DISC1: variants seen among roughly 807,000 people sequenced by gnomAD.
DISC1 encodes disrupted in schizophrenia 1 protein.
DISC1 carries 57 observed loss-of-function variants against 84.5 expected under a neutral mutation model. The observed-to-expected ratio is 0.67, with a 90% CI of 0.55 to 0.84. DISC1 has a LOEUF of 0.84. DISC1 is among the 40% of genes least tolerant of loss of function. The pLI, the probability that DISC1 is intolerant of heterozygous loss-of-function variation, is 0.00. For missense variants in DISC1, 1,000 were observed against 1,057.8 expected (o/e 0.95, Z 0.76); for synonymous variants, 411 against 415.2 (o/e 0.99, Z 0.12).
chr1:231,959,480 A>G (rs1423310994), intron 10 of DISC1: 2 of 985,640 alleles, frequency 2.0e-6, no homozygotes, highest in Non-Finnish European at 2.4e-6. Flanking sequence ...TTAAGGCAAC[A>G]AGTACTAGAG....
rs1301526826 is a variant in DISC1 at position 231,689,642 on chromosome 1, T to A, written c.68-4184T>A. On this transcript the variant is annotated intron_variant, in intron 1 of 12. Transcript: ENST00000439617. ...CCACTGCTCCAGGAAAAAAACTGAGTATCATGTTTTCTTAAACTGCATGTT... is the reference window on the plus strand; with the variant it reads ...CCACTGCTCCAGGAAAAAAACTGAGAATCATGTTTTCTTAAACTGCATGTT... Among the ~76,000 whole-genome samples the A allele has an allele frequency of 2.0e-5, 3 of 152,272 alleles. No individual in the cohort carries two copies. In the East Asian group the frequency reaches 5.8e-4, roughly 29 times the overall value.
intron 10 of DISC1, among the ~76,000 whole-genome samples, chr1:231,981,936 T>C (rs1333457930): frequency 2.0e-5 from 3 of 152,118 alleles, no homozygotes; most frequent in Non-Finnish European, 4.4e-5. Context: ...TAGCAGTTGG[T>C]ATGTAGAGAA....
chr1:231,819,705 G>A (rs2081351402), intron 9 of DISC1, among the ~76,000 whole-genome samples: 1 of 152,158 alleles, frequency 6.6e-6, no homozygotes, highest in Non-Finnish European at 1.5e-5. Context: ...GGTTTACTCT[G>A]TCATGATAGG....
chr1:231,939,749 A>AT (rs5781680), intron 9 of DISC1, among the ~76,000 whole-genome samples: 8,317 of 146,490 alleles, frequency 0.057, 385 homozygotes, highest in East Asian at 0.26. Flanking sequence ...TGCTTATTCT[A>AT]TTTTTTTTTT....
intron 9 of DISC1, among the ~76,000 whole-genome samples, chr1:231,829,609 C>T (rs1021695558): frequency 6.6e-6 from 1 of 152,134 alleles, no homozygotes; most frequent in Non-Finnish European, 1.5e-5. Context: ...GCCGTGGCTT[C>T]CAAAAGTGTT....
At chr1:231,669,444 A>C (rs2125442213) in intron 1 of DISC1, among the ~76,000 whole-genome samples, 1 of 152,354 alleles carries the variant, frequency 6.6e-6, no homozygotes, top group East Asian at 1.9e-4. Context: ...GACAACCTAC[A>C]GAATGGGAGA....
At chr1:231,927,954 A>G (rs957199241) in intron 9 of DISC1, among the ~76,000 whole-genome samples, 2 of 152,178 alleles carry the variant, frequency 1.3e-5, no homozygotes, top group Non-Finnish European at 2.9e-5. Flanking sequence ...CCAGGGTGGG[A>G]TGTGCATTGT....
At chr1:231,627,686 G>A (rs968373626) in intron 1 of DISC1, among the ~76,000 whole-genome samples, 6 of 152,254 alleles carry the variant, frequency 3.9e-5, no homozygotes, top group African/African-American at 1.4e-4. Context: ...AGTGAGATTT[G>A]GAGTTAGGGA....
At chr1:231,770,501 G>C (rs2076470402) in intron 5 of DISC1, among the ~76,000 whole-genome samples, 1 of 152,176 alleles carries the variant, frequency 6.6e-6, no homozygotes, top group Non-Finnish European at 1.5e-5. Context: ...TCAGGTGCAT[G>C]AGGCTCCCTG....
intron 6 of DISC1, among the ~76,000 whole-genome samples, chr1:231,779,079 A>G (rs1307261910): frequency 6.6e-6 from 1 of 152,160 alleles, no homozygotes; most frequent in Non-Finnish European, 1.5e-5. Context: ...AGGCAGGGAT[A>G]AGTCTCACAC....
chr1:231,678,372 C>T (rs1017371289), intron 1 of DISC1, among the ~76,000 whole-genome samples: 2 of 152,094 alleles, frequency 1.3e-5, no homozygotes, highest in Non-Finnish European at 2.9e-5. Flanking sequence ...CTCTGTGTGG[C>T]GGAGACATTT....
At chr1:231,895,869 G>A (rs952875679) in intron 9 of DISC1, among the ~76,000 whole-genome samples, 1 of 152,012 alleles carries the variant, frequency 6.6e-6, no homozygotes, top group Non-Finnish European at 1.5e-5. Context: ...GTACACCTTT[G>A]CCCCAAATTC....
chr1:231,988,864 A>G (rs1664814649), intron 10 of DISC1, among the ~76,000 whole-genome samples: 1 of 152,200 alleles, frequency 6.6e-6, no homozygotes, highest in Non-Finnish European at 1.5e-5. Context: ...ACTTCCATTC[A>G]TTGGAAGCAG....
intron 1 of DISC1, among the ~76,000 whole-genome samples, chr1:231,664,034 CTAT>C (rs2061785073): frequency 6.7e-5 from 9 of 134,198 alleles, no homozygotes; most frequent in Admixed American, 5.9e-4. Flanking sequence ...ATCTATCCAT[CTAT>C]CTATCCATCC....
At chr1:231,888,056 C>T (rs2086902440) in intron 9 of DISC1, among the ~76,000 whole-genome samples, 1 of 152,130 alleles carries the variant, frequency 6.6e-6, no homozygotes, top group Non-Finnish European at 1.5e-5. Context: ...TGAAAATATG[C>T]AAAGCAGCAT....
rs200704946 is a variant in DISC1 at position 231,694,385 on chromosome 1, C to G, written c.627C>G (p.Ser209Arg). The G allele has an allele frequency of 7.5e-5, 121 of 1,614,152 alleles. 1 individual carries two copies. Among genetic ancestry groups the G allele is most frequent in the Admixed American group, 3.3e-4 (20 of 60,012 alleles). Residue 209 changes from serine (S) to arginine (R), a missense_variant, in exon 2 of 13, where the codon AGC becomes AGG. Physicochemically the swap from Ser to Arg is moderately radical, Grantham distance 110 (BLOSUM62 -1). Coordinates refer to ENST00000439617, the MANE Select transcript of DISC1 (RefSeq NM_018662.3). ...PPGSHSAFTS[S>R]FSFIRLSLGS... Reference sequence around the variant, plus strand: ...GCTCTCACAGTGCCTTTACCTCAAGCTTTAGCTTTATTCGGCTCTCGCTTG... The same window carrying G: ...GCTCTCACAGTGCCTTTACCTCAAGGTTTAGCTTTATTCGGCTCTCGCTTG...
chr1:231,686,415 C>G (rs1293386136), intron 1 of DISC1, among the ~76,000 whole-genome samples: 2 of 152,216 alleles, frequency 1.3e-5, no homozygotes, highest in African/African-American at 4.8e-5. Context: ...CTTGCAGGCT[C>G]AACACCAAGT....
At chr1:231,949,650 G>A (rs917187778) in intron 9 of DISC1, among the ~76,000 whole-genome samples, 2 of 152,062 alleles carry the variant, frequency 1.3e-5, no homozygotes, top group Non-Finnish European at 2.9e-5. Context: ...TTACGGGGGC[G>A]CCATCCTTGG....
intron 10 of DISC1, chr1:231,959,182 T>G: frequency 9.5e-7 from 1 of 1,056,252 alleles, no homozygotes; most frequent in Non-Finnish European, 1.1e-6. Flanking sequence ...TCAGAATTCA[T>G]TCCTTAGTCT....
Sources: allele counts gnomAD v4.1 joint callset (sites outside exome capture counted in the v4.1 genomes callset), GRCh38; gene constraint gnomAD v4.1.1; transcripts MANE v1.5; gene names NCBI Gene and HGNC (gene_info 2026-07-23, HGNC 2026-07-21).